Variants in TBC1D22A observed in about 807,000 individuals in gnomAD.
TBC1D22A encodes the protein TBC1 domain family member 22A.
TBC1D22A carries 38 observed loss-of-function variants against 60.2 expected under a neutral mutation model. That is an observed-to-expected ratio of 0.63 (90% CI 0.49 to 0.83). The LOEUF is 0.83. Among genes scored for constraint, TBC1D22A ranks in the 40% least tolerant of loss-of-function variants. TBC1D22A has a pLI of 0.00. For missense variants in TBC1D22A, 628 were observed against 701.0 expected, an observed-to-expected ratio of 0.90 and a Z score of 1.18; for synonymous variants, 302 against 281.7, an observed-to-expected ratio of 1.07 and a Z score of -0.72.
chr22:46,918,904 C>T (rs1481873659), intron 8 of TBC1D22A, among the ~76,000 whole-genome samples: 1 of 152,178 alleles, frequency 6.6e-6, no homozygotes, highest in Non-Finnish European at 1.5e-5. Flanking sequence ...TCATCTGACT[C>T]CAGCAGTCAC....
At chr22:47,103,821 C>A (rs2065511968) in intron 11 of TBC1D22A, among the ~76,000 whole-genome samples, 1 of 152,034 alleles carries the variant, frequency 6.6e-6, no homozygotes, top group African/African-American at 2.4e-5. Context: ...GAGTCAGGCC[C>A]TACAAACCAT....
chr22:46,797,406 G>T (rs1436038954), intron 3 of TBC1D22A, 38 bp from the exon 4 acceptor site: 1 of 1,608,108 alleles, frequency 6.2e-7, no homozygotes. Context: ...GTCGGGAGGA[G>T]CGCCCTCACC....
intron 12 of TBC1D22A, among the ~76,000 whole-genome samples, chr22:47,132,562 G>C (rs73889416): frequency 6.6e-6 from 1 of 152,164 alleles, no homozygotes; most frequent in Non-Finnish European, 1.5e-5. Context: ...TCCTGCCTCC[G>C]ACCCCACAGG....
chr22:46,982,284 C>T (rs1458880926), intron 9 of TBC1D22A, among the ~76,000 whole-genome samples: 2 of 149,548 alleles, frequency 1.3e-5, no homozygotes, highest in East Asian at 3.9e-4. Flanking sequence ...AGTGCAGTGG[C>T]ATGATCTTGG....
intron 12 of TBC1D22A, among the ~76,000 whole-genome samples, chr22:47,135,753 C>T (rs1393495675): frequency 6.6e-6 from 1 of 152,234 alleles, no homozygotes; most frequent in Non-Finnish European, 1.5e-5. Flanking sequence ...GGGAAGTGAC[C>T]AAAAAGCTCT....
At chr22:46,778,718 C>G (rs923071925) in intron 1 of TBC1D22A, among the ~76,000 whole-genome samples, 2 of 152,010 alleles carry the variant, frequency 1.3e-5, no homozygotes, top group Admixed American at 1.3e-4. Flanking sequence ...TTTAAACAAG[C>G]AGAAGGAACA....
In TBC1D22A at chr22:46,927,650, CT is replaced by C. The variant is rs574629755; in HGVS notation, c.1015+15463del. On this transcript the variant is annotated intron_variant, in intron 8 of 12. Coordinates refer to ENST00000337137, the MANE Select transcript of TBC1D22A (RefSeq NM_014346.5). The stretch of plus-strand genomic sequence containing the variant: ...AGAATGGAAAAAAATAAAACTACCT[CT>C]ATTTGTAGATGACAGGATCTTGTAT... Among the ~76,000 whole-genome samples the C allele has an allele frequency of 3.3e-5, 5 of 152,284 alleles. No homozygotes were observed. In the South Asian group the frequency reaches 1.0e-3, roughly 32 times the overall value.
chr22:46,963,270 T>G (rs982308696), intron 8 of TBC1D22A, among the ~76,000 whole-genome samples: 3 of 79,974 alleles, frequency 3.8e-5, no homozygotes, highest in African/African-American at 1.9e-4. Flanking sequence ...CCCCATGGTG[T>G]CTTGGACATG....
At chr22:47,012,782 G>C (rs186671769) in intron 10 of TBC1D22A, among the ~76,000 whole-genome samples, 1 of 152,216 alleles carries the variant, frequency 6.6e-6, no homozygotes, top group Non-Finnish European at 1.5e-5. Flanking sequence ...TTCAGAGCTC[G>C]TGCTGATGTG....
At chr22:46,883,275 C>T (rs1033085847) in intron 5 of TBC1D22A, among the ~76,000 whole-genome samples, 7 of 151,956 alleles carry the variant, frequency 4.6e-5, no homozygotes, top group East Asian at 3.8e-4. Context: ...TTTGTGTCAC[C>T]GGGACAATTT....
In TBC1D22A at chr22:47,072,121, C is replaced by T. The variant is rs937528903; in HGVS notation, c.1329+34923C>T. Among the ~76,000 whole-genome samples, 6 of 152,304 alleles carry T rather than the reference C, an allele frequency of 3.9e-5. No individual in the cohort carries two copies. The East Asian group carries it at 5.8e-4, about 15-fold the overall frequency. ...AGTGTGCTCGGAAAGGTGAGGCCCCCGAGGCAGAGGCATGGCCAGGACGCT... is the reference window on the plus strand; with the variant it reads ...AGTGTGCTCGGAAAGGTGAGGCCCCTGAGGCAGAGGCATGGCCAGGACGCT... On this transcript the variant is annotated intron_variant, in intron 11 of 12. Transcript: ENST00000337137.
chr22:47,131,537 A>T (rs2066678761), intron 12 of TBC1D22A, among the ~76,000 whole-genome samples: 1 of 151,986 alleles, frequency 6.6e-6, no homozygotes, highest in Non-Finnish European at 1.5e-5. Context: ...GTGATCTGTG[A>T]CTCCATGTGG....
At chr22:46,992,320 C>G (rs2074975156) in intron 9 of TBC1D22A, among the ~76,000 whole-genome samples, 1 of 152,256 alleles carries the variant, frequency 6.6e-6, no homozygotes, top group Admixed American at 6.5e-5. Context: ...GAAACGTTGC[C>G]TGCTGGGGAA....
chr22:47,092,499 G>T (rs1202412196), intron 11 of TBC1D22A, among the ~76,000 whole-genome samples: 1 of 152,146 alleles, frequency 6.6e-6, no homozygotes, highest in Non-Finnish European at 1.5e-5. Flanking sequence ...GGCTTGGTGG[G>T]CACCTTGCAT....
chr22:46,801,386 G>C (rs142746018), intron 4 of TBC1D22A, among the ~76,000 whole-genome samples: 319 of 152,388 alleles, frequency 2.1e-3, no homozygotes, highest in African/African-American at 7.5e-3. Context: ...AGTGCCTACA[G>C]AAATGAGTCT....
intron 4 of TBC1D22A, among the ~76,000 whole-genome samples, chr22:46,841,212 A>C (rs1164928838): frequency 6.6e-6 from 1 of 152,218 alleles, no homozygotes; most frequent in East Asian, 1.9e-4. Flanking sequence ...GATGTGATTC[A>C]TGAAGGTGGA....
chr22:46,947,694 C>G (rs1354227486), intron 8 of TBC1D22A, among the ~76,000 whole-genome samples: 2 of 151,890 alleles, frequency 1.3e-5, no homozygotes, highest in African/African-American at 4.8e-5. Flanking sequence ...CCTCCTGTCT[C>G]CCTCCCTTTC....
Position 47,118,790 on chromosome 22 carries a change from T to TACACAC in TBC1D22A, c.1425+7205_1425+7210dup, listed in dbSNP as rs146644664. Among the ~76,000 whole-genome samples, 177 of 125,526 alleles carry TACACAC rather than the reference T, an allele frequency of 1.4e-3. 1 individual carries two copies. Among genetic ancestry groups the TACACAC allele is most frequent in the Middle Eastern group, 7.9e-3 (2 of 252 alleles). 82.3% of individuals were successfully genotyped at this position (125,526 alleles called of 152,430 possible). On this transcript the variant is annotated intron_variant, in intron 12 of 12. Coordinates refer to ENST00000337137, the MANE Select transcript of TBC1D22A (RefSeq NM_014346.5). ...TCCTCTGTGTTAGGAAAGAGGAATT[T>TACACAC]ACACACACACACACACACACACATA...
At chr22:46,814,212 T>G (rs1308795571) in intron 4 of TBC1D22A, among the ~76,000 whole-genome samples, 5 of 152,190 alleles carry the variant, frequency 3.3e-5, no homozygotes, top group Non-Finnish European at 5.9e-5. Flanking sequence ...ATAAGAAAAA[T>G]AATAGAATCT....
Sources: gnomAD v4.1 joint callset for allele counts (sites outside exome capture counted in the v4.1 genomes callset) on GRCh38, gnomAD v4.1.1 for gene constraint, MANE v1.5 for transcripts, NCBI Gene and HGNC (gene_info 2026-07-23, HGNC 2026-07-21) for gene names.